SLC24A1: variants seen among roughly 807,000 people sequenced by gnomAD.
SLC24A1 encodes solute carrier family 24 member 1, also known as sodium/potassium/calcium exchanger 1.
Under a neutral mutation model 88.1 loss-of-function variants are expected in SLC24A1, and 52 were observed. The ratio of observed to expected loss-of-function variants is 0.59; its 90% CI spans 0.47 to 0.74. The LOEUF (loss-of-function observed/expected upper bound fraction) is 0.74, where lower values mean the gene tolerates loss of function less well. SLC24A1 is among the 30% of genes least tolerant of loss of function. SLC24A1 has a pLI of 0.00. For synonymous variants in SLC24A1, 455 were observed against 498.0 expected, an observed-to-expected ratio of 0.91 and a Z score of 1.15; for missense variants, 1,173 against 1,363.3, an observed-to-expected ratio of 0.86 and a Z score of 2.20.
At chr15:65,616,469 C>T (rs2074148247) in intron 2 of SLC24A1, among the ~76,000 whole-genome samples, 1 of 152,242 alleles carries the variant, frequency 6.6e-6, no homozygotes, top group African/African-American at 2.4e-5. Context: ...TTGCATTTCT[C>T]TGATGACCAG....
At chr15:65,633,167 G>C (rs1480378447) in intron 2 of SLC24A1, among the ~76,000 whole-genome samples, 1 of 152,158 alleles carries the variant, frequency 6.6e-6, no homozygotes. Flanking sequence ...GGCAATAAGA[G>C]ACTGTAGCCA....
Position 65,650,954 on chromosome 15 carries a change from C to G in SLC24A1, c.2793+12C>G, listed in dbSNP as rs1412301054. The G allele has an allele frequency of 1.2e-6, 2 of 1,611,038 alleles. No homozygotes were observed. Among genetic ancestry groups the G allele is most frequent in the Admixed American group, 3.3e-5 (2 of 60,008 alleles). On this transcript the variant is annotated intron_variant, in intron 7 of 9. Coordinates refer to ENST00000261892, the MANE Select transcript of SLC24A1 (RefSeq NM_004727.3). This position sits in a 1 kb window ranked among gnomAD's most constrained non-coding sequence, Gnocchi z 4.1. ...ACGTCCGAAGGCAGGTGAGTGTGCC[C>G]ATCTGTATCTCAGACTCTTTATCCC...
chr15:65,660,471 A>G, downstream of SLC24A1: 1 of 548,906 alleles, frequency 1.8e-6, no homozygotes, highest in South Asian at 2.7e-5. Flanking sequence ...AAAGCTGGCT[A>G]GGGAATTCCT....
rs780776021 is a variant in SLC24A1, at chr15:65,625,315, C to A, written c.1235C>A (p.Thr412Lys). 1 of 1,614,030 alleles carries A rather than the reference C, an allele frequency of 6.2e-7. No individual in the cohort carries two copies. The highest frequency in any genetic ancestry group is 1.1e-5 in the South Asian group (1 of 91,086). Reference protein sequence around the residue: ...AMLTTPSPSLTTALLPEELSP... With the variant: ...AMLTTPSPSLKTALLPEELSP... Reference sequence around the variant, plus strand: ...CTCACCACTCCCTCCCCAAGCCTCACAACAGCCCTGCTCCCAGAGGAGCTC... The same window carrying A: ...CTCACCACTCCCTCCCCAAGCCTCAAAACAGCCCTGCTCCCAGAGGAGCTC... Residue 412 changes from threonine to lysine, a missense_variant, in exon 2 of 10, where the codon ACA becomes AAA. By Grantham distance (78) the Thr-to-Lys change is moderately conservative. Transcript: ENST00000261892.
At chr15:65,656,527 C>T (rs528516096), downstream of SLC24A1, among the ~76,000 whole-genome samples, 3 of 152,276 alleles carry the variant, frequency 2.0e-5, no homozygotes, top group South Asian at 6.2e-4. Context: ...TAAAATCATG[C>T]TGTTTTAGAG....
downstream of SLC24A1, chr15:65,658,078 A>C (rs1229399057): frequency 2.6e-5 from 4 of 152,262 alleles, no homozygotes; most frequent in African/African-American, 9.6e-5. Context: ...TATCAGAAGA[A>C]TCTATTACCA....
At position 65,654,994 on chromosome 15, in the gene SLC24A1, T is replaced by A. The variant is rs1157221504; in HGVS notation, c.*915T>A. ...TAAAAAGCAGCCTGAAAAATAAAAA[T>A]TTATAATTTGCCCTTGAATTGGAAG... On this transcript the variant is annotated 3_prime_UTR_variant, in exon 10 of 10. Coordinates refer to ENST00000261892, the MANE Select transcript of SLC24A1 (RefSeq NM_004727.3). The A allele has an allele frequency of 2.9e-6, 3 of 1,035,810 alleles. No homozygotes were observed. The highest frequency in any genetic ancestry group is 4.8e-4 in the Middle Eastern group (1 of 2,096). 64.2% of individuals were successfully genotyped at this position (1,035,810 alleles called of 1,614,324 possible).
At chr15:65,637,473 G>A (rs973000266) in intron 2 of SLC24A1, among the ~76,000 whole-genome samples, 2 of 152,154 alleles carry the variant, frequency 1.3e-5, no homozygotes, top group African/African-American at 4.8e-5. Context: ...AATGGAGATG[G>A]CATTTTAGGC....
At position 65,624,545 on chromosome 15, in the gene SLC24A1, C is replaced by A; in HGVS notation, c.465C>A (p.Thr155=). ...CCAGTAGAACACTGACTTACTACAC[C>A]TCAACTTCAAGCAGACAAATAGTAA... ...PTSSRTLTYY[T]STSSRQIVKK... The change falls in exon 2 of 10, where the codon ACC becomes ACA. Residue 155 remains threonine, a synonymous_variant. Coordinates refer to ENST00000261892, the MANE Select transcript of SLC24A1 (RefSeq NM_004727.3). 1 of 1,600,768 alleles carries A rather than the reference C, an allele frequency of 6.2e-7. No homozygotes were observed. The highest frequency in any genetic ancestry group is 8.5e-7 in the Non-Finnish European group (1 of 1,173,434).
upstream of SLC24A1, chr15:65,618,834 G>C (rs1413843840): frequency 6.6e-6 from 1 of 152,230 alleles, no homozygotes; most frequent in Non-Finnish European, 1.5e-5. Flanking sequence ...TTCCTGCTTG[G>C]CCACACTGAA....
chr15:65,614,999 T>C (rs1283841056), intron 2 of SLC24A1, among the ~76,000 whole-genome samples: 1 of 152,188 alleles, frequency 6.6e-6, no homozygotes. Context: ...GAGAATCGCT[T>C]GAGCCCAGCT....
At chr15:65,616,550 T>A (rs1465531480) in intron 2 of SLC24A1, among the ~76,000 whole-genome samples, 3 of 152,244 alleles carry the variant, frequency 2.0e-5, no homozygotes, top group African/African-American at 7.2e-5. Context: ...TCTATTCATA[T>A]CCTTTGCCCA....
chr15:65,621,168 G>A (rs1276669142), upstream of SLC24A1, among the ~76,000 whole-genome samples: 1 of 152,238 alleles, frequency 6.6e-6, no homozygotes, highest in East Asian at 1.9e-4. Flanking sequence ...TACTCTGGAG[G>A]AAACAGGAAA....
upstream of SLC24A1, among the ~76,000 whole-genome samples, chr15:65,618,634 C>T (rs970389330): frequency 6.6e-6 from 1 of 152,196 alleles, no homozygotes; most frequent in African/African-American, 2.4e-5. Flanking sequence ...ACATCTTCAC[C>T]GGTATCTTCG....
chr15:65,632,769 G>C (rs1263766279), intron 2 of SLC24A1, among the ~76,000 whole-genome samples: 1 of 152,202 alleles, frequency 6.6e-6, no homozygotes, highest in African/African-American at 2.4e-5. Context: ...AAGAGGTGGA[G>C]TTAATCTAGG....
Position 65,624,275 on chromosome 15 carries a change from G to A in SLC24A1, c.195G>A (p.Arg65=). Residue 65 remains arginine (R), a synonymous_variant, in exon 2 of 10, where the codon CGG becomes CGA. Coordinates refer to ENST00000261892, the MANE Select transcript of SLC24A1 (RefSeq NM_004727.3). ...SSHQPIKLAS[R]DLSSEEMMMM... ...ATCAGCCTATAAAACTGGCCAGTCG[G>A]GACCTCTCCAGTGAAGAGATGATGA... 6.2e-7 allele frequency: 1 copy of A among 1,613,780 alleles called. No individual in the cohort carries two copies. The highest frequency in any genetic ancestry group is 1.1e-5 in the South Asian group (1 of 91,054).
downstream of SLC24A1, chr15:65,658,998 CAGA>C (rs2075763701): frequency 6.6e-6 from 1 of 151,902 alleles, no homozygotes; most frequent in Non-Finnish European, 1.5e-5. Context: ...AGACAAAAAT[CAGA>C]AGATGAACAG....
rs1459535220 is a variant in SLC24A1, at chr15:65,653,916, TTTTGC to T, written c.3141_3145del (p.Leu1047PhefsTer15). 1.9e-6 allele frequency: 3 copies of T among 1,613,912 alleles called. No individual in the cohort carries two copies. The highest frequency in any genetic ancestry group is 2.5e-6 in the Non-Finnish European group (3 of 1,179,896). On this transcript the variant is annotated frameshift_variant, in exon 10 of 10. Transcript: ENST00000261892. LOFTEE classifies it high-confidence loss of function. ...AGCAATGGCTTGTTTTGTGCAATTG[TTTTGC>T]TTTTTCTCATGCTTCTGTTTGTGAT...
At chr15:65,643,453 G>T (rs1292358410) in intron 4 of SLC24A1, among the ~76,000 whole-genome samples, 3 of 152,132 alleles carry the variant, frequency 2.0e-5, no homozygotes, top group Admixed American at 1.3e-4. Flanking sequence ...AAGTCACCCG[G>T]TGCTCATGGG....
Sources: allele counts gnomAD v4.1 joint callset (sites outside exome capture counted in the v4.1 genomes callset), GRCh38; gene constraint gnomAD v4.1.1; non-coding constraint Gnocchi (gnomAD v3.1); transcripts MANE v1.5; gene names NCBI Gene and HGNC (gene_info 2026-07-23, HGNC 2026-07-21).